The following RABGAP1L variants were observed in gnomAD, a reference collection of about 807,000 sequenced individuals.
RABGAP1L encodes RAB GTPase activating protein 1 like.
Under a neutral mutation model 137.7 loss-of-function variants are expected in RABGAP1L, and 63 were observed. The observed-to-expected ratio is 0.46, with a 90% CI of 0.37 to 0.56. The LOEUF is 0.56. Among genes scored for constraint, RABGAP1L ranks in the 20% least tolerant of loss-of-function variants. RABGAP1L has a pLI of 0.00. For missense variants in RABGAP1L, 1,095 were observed against 1,244.0 expected (o/e 0.88, Z 1.80); for synonymous variants, 431 against 433.7 (o/e 0.99, Z 0.08).
intron 17 of RABGAP1L, among the ~76,000 whole-genome samples, chr1:174,719,927 T>C (rs332784): frequency 0.4 from 60,069 of 152,044 alleles, 15,027 homozygotes; most frequent in African/African-American, 0.71. Context: ...ATGGCTATAA[T>C]ATATATTGAT....
intron 18 of RABGAP1L, among the ~76,000 whole-genome samples, chr1:174,786,877 G>T (rs1312886316): frequency 1.3e-5 from 2 of 152,022 alleles, no homozygotes; most frequent in African/African-American, 4.8e-5. Context: ...TTATTCATTT[G>T]TTCATTTACT....
At chr1:174,575,862 A>G (rs1040661473) in intron 13 of RABGAP1L, among the ~76,000 whole-genome samples, 1 of 152,160 alleles carries the variant, frequency 6.6e-6, no homozygotes, top group South Asian at 2.1e-4. Flanking sequence ...AATGCTGCCA[A>G]TGCACTGGAT....
intron 15 of RABGAP1L, among the ~76,000 whole-genome samples, chr1:174,695,915 C>T (rs2148509379): frequency 6.6e-6 from 1 of 152,292 alleles, no homozygotes; most frequent in Non-Finnish European, 1.5e-5. Context: ...TTCCTAAAAT[C>T]TCTTTTTCTC....
At chr1:174,296,002 C>A (rs976896648) in intron 10 of RABGAP1L, among the ~76,000 whole-genome samples, 4 of 152,066 alleles carry the variant, frequency 2.6e-5, no homozygotes, top group Admixed American at 2.0e-4. Flanking sequence ...AAGGCTAAGC[C>A]TTGGGAAACA....
intron 19 of RABGAP1L, among the ~76,000 whole-genome samples, chr1:174,859,258 G>A (rs1649830271): frequency 1.3e-5 from 2 of 152,174 alleles, no homozygotes; most frequent in African/African-American, 2.4e-5. Flanking sequence ...AAGACGGGTG[G>A]ATCATGAGGT....
At chr1:174,915,816 T>C (rs1660770381) in intron 19 of RABGAP1L, among the ~76,000 whole-genome samples, 1 of 152,306 alleles carries the variant, frequency 6.6e-6, no homozygotes, top group Middle Eastern at 3.4e-3. Context: ...TCTTTATATA[T>C]TATAGAAATA....
chr1:174,745,048 A>G (rs1165612873), intron 17 of RABGAP1L, among the ~76,000 whole-genome samples: 2 of 152,224 alleles, frequency 1.3e-5, no homozygotes, highest in Non-Finnish European at 2.9e-5. Context: ...AAATTTTGGA[A>G]TTCAACTGTG....
intron 15 of RABGAP1L, among the ~76,000 whole-genome samples, chr1:174,689,251 TAAG>T: frequency 6.6e-6 from 1 of 151,958 alleles, no homozygotes; most frequent in African/African-American, 2.4e-5. Flanking sequence ...TGGAAGTAAA[TAAG>T]AAGCAGAACT....
At chr1:174,251,326 G>C (rs776084218) in intron 6 of RABGAP1L, among the ~76,000 whole-genome samples, 25 of 149,386 alleles carry the variant, frequency 1.7e-4, no homozygotes, top group Non-Finnish European at 3.1e-4. Flanking sequence ...AACAGTAACT[G>C]ATAATATATG....
chr1:174,791,786 C>G (rs1326027741), intron 18 of RABGAP1L, among the ~76,000 whole-genome samples: 1 of 152,178 alleles, frequency 6.6e-6, no homozygotes, highest in East Asian at 1.9e-4. Flanking sequence ...GATGTAGCTC[C>G]TTGAACTGTT....
chr1:174,983,125 A>T (rs1470693701), intron 24 of RABGAP1L, among the ~76,000 whole-genome samples: 1 of 152,220 alleles, frequency 6.6e-6, no homozygotes, highest in Non-Finnish European at 1.5e-5. Flanking sequence ...AGAGGCAGCT[A>T]ACATGAAAGG....
chr1:174,281,478 C>T (rs1039862674), intron 10 of RABGAP1L, among the ~76,000 whole-genome samples: 7 of 152,192 alleles, frequency 4.6e-5, no homozygotes, highest in South Asian at 2.1e-4. Flanking sequence ...GGTGCGTTTA[C>T]GCTCCTTTAG....
chr1:174,350,113 C>T (rs1324228566), intron 11 of RABGAP1L, among the ~76,000 whole-genome samples: 19 of 132,658 alleles, frequency 1.4e-4, no homozygotes, highest in African/African-American at 2.7e-4. Context: ...CCCTCCCGGA[C>T]GGCACGGCTG....
chr1:174,947,510 TG>T (rs1465978282), intron 19 of RABGAP1L, among the ~76,000 whole-genome samples: 1 of 152,082 alleles, frequency 6.6e-6, no homozygotes, highest in African/African-American at 2.4e-5. Flanking sequence ...CTCAGCCTCC[TG>T]GGTTCAAGCG....
intron 14 of RABGAP1L, among the ~76,000 whole-genome samples, chr1:174,678,445 C>A (rs1431164819): frequency 1.3e-5 from 2 of 151,690 alleles, no homozygotes; most frequent in Non-Finnish European, 2.9e-5. Flanking sequence ...ATAAAATATT[C>A]TCAAAAAACC....
Position 174,885,750 on chromosome 1 carries a change from G to A in RABGAP1L, c.2341-71707G>A, listed in dbSNP as rs568793948. Among the ~76,000 whole-genome samples, 12 of 152,120 alleles carry A rather than the reference G, an allele frequency of 7.9e-5. No homozygotes were observed. The East Asian group carries it at 9.9e-4, about 13-fold the overall frequency. ...TGGGAGGCTGAGGCGAGTGGATCACGAGGTCAGGAGATCGAGACCATCTTG... is the reference window on the plus strand; with the variant it reads ...TGGGAGGCTGAGGCGAGTGGATCACAAGGTCAGGAGATCGAGACCATCTTG... On this transcript the variant is annotated intron_variant, in intron 19 of 25. Transcript: ENST00000681986.
intron 7 of RABGAP1L, among the ~76,000 whole-genome samples, chr1:174,270,678 A>C (rs186664927): frequency 1.1e-3 from 160 of 152,266 alleles, no homozygotes; most frequent in Non-Finnish European, 1.8e-4. Context: ...AAAGAAAGAG[A>C]GTATACTTTC....
chr1:174,890,048 C>A (rs1393540948), intron 19 of RABGAP1L, among the ~76,000 whole-genome samples: 1 of 152,168 alleles, frequency 6.6e-6, no homozygotes, highest in East Asian at 1.9e-4. Context: ...TAGCTCTTAA[C>A]TGTTTCAAAA....
At chr1:174,326,921 TCAAA>T (rs1571231479) in intron 11 of RABGAP1L, among the ~76,000 whole-genome samples, 1 of 151,976 alleles carries the variant, frequency 6.6e-6, no homozygotes, top group Non-Finnish European at 1.5e-5. Flanking sequence ...AGGGAAACAA[TCAAA>T]CAAACGAGAA....
Sources: gnomAD v4.1 joint callset for allele counts (sites outside exome capture counted in the v4.1 genomes callset) on GRCh38, gnomAD v4.1.1 for gene constraint, MANE v1.5 for transcripts, NCBI Gene and HGNC (gene_info 2026-07-23, HGNC 2026-07-21) for gene names.